TMEM138: variants seen among roughly 807,000 people sequenced by gnomAD.
TMEM138 encodes the protein transmembrane protein 138.
Under a neutral mutation model 18.1 loss-of-function variants are expected in TMEM138, and 9 were observed. That is an observed-to-expected ratio of 0.50 (90% CI 0.30 to 0.87). The LOEUF (loss-of-function observed/expected upper bound fraction) is 0.87, where lower values mean the gene tolerates loss of function less well. TMEM138 is among the 40% of genes least tolerant of loss of function. The probability of loss-of-function intolerance (pLI) is 0.06; values close to 1 mark genes in which losing one functional copy is unlikely to be tolerated. For synonymous variants in TMEM138, 79 were observed against 74.8 expected (o/e 1.06, Z -0.29); for missense variants, 189 against 190.6 (o/e 0.99, Z 0.05).
chr11:61,368,208 TC>T (rs1858221192), intron 4 of TMEM138: 1 of 678,562 alleles, frequency 1.5e-6, no homozygotes, highest in South Asian at 1.5e-5. Context: ...TAGGTTCTGT[TC>T]TTTTTGTTTG....
intron 3 of TMEM138, 125 bp downstream of exon 3, chr11:61,366,341 G>T (rs1474976072): frequency 2.7e-6 from 3 of 1,126,550 alleles, no homozygotes; most frequent in East Asian, 5.6e-5. Context: ...TGCCTCCCAA[G>T]CTCAAGCAAT....
downstream of TMEM138, among the ~76,000 whole-genome samples, chr11:61,375,173 G>A (rs1858419278): frequency 6.6e-6 from 1 of 152,132 alleles, no homozygotes; most frequent in Non-Finnish European, 1.5e-5. Flanking sequence ...AAATGTTGCT[G>A]ATCCTGTGTT....
chr11:61,372,958 T>TA (rs57589732), downstream of TMEM138, among the ~76,000 whole-genome samples: 3 of 151,396 alleles, frequency 2.0e-5, no homozygotes, highest in Admixed American at 6.6e-5. Context: ...AAAAACAGAT[T>TA]AAAAAAAAAG....
rs578190443 is a variant in TMEM138, at chr11:61,364,447, C to G, written c.57C>G (p.Ser19=). 6.2e-7 allele frequency: 1 copy of G among 1,614,216 alleles called. No individual in the cohort carries two copies. Among genetic ancestry groups the G allele is most frequent in the Admixed American group, 1.7e-5 (1 of 60,020 alleles). ...LVLSLQFLLL[S]YDLFVNSFSE... ...TCTCTCTGCAGTTCCTGCTGCTGTC[C>G]TATGACCTCTTTGTCAATTCCTTCT... Residue 19 remains serine (S), a synonymous_variant, in exon 2 of 5, where the codon TCC becomes TCG. Coordinates refer to ENST00000278826, the MANE Select transcript of TMEM138 (RefSeq NM_016464.5).
rs1590624489 is a variant in TMEM138, at chr11:61,364,630, C to T, written c.128+112C>T. The T allele has an allele frequency of 4.2e-5, 61 of 1,448,514 alleles. 1 individual carries two copies. In the South Asian group the frequency reaches 5.8e-4, roughly 14 times the overall value. The allele number at this position is 1,448,514 out of a possible 1,614,324, so 89.7% of individuals were successfully genotyped here. On this transcript the variant is annotated intron_variant, in intron 2 of 4. Transcript: ENST00000278826. ...TAGGCTGGGTACGGTGGCTCACACCCATAATCCCAGGACTTTGGGAAGCCA... is the reference window on the plus strand; with the variant it reads ...TAGGCTGGGTACGGTGGCTCACACCTATAATCCCAGGACTTTGGGAAGCCA...
chr11:61,371,530 C>A (rs1038775273), downstream of TMEM138, among the ~76,000 whole-genome samples: 10 of 152,214 alleles, frequency 6.6e-5, no homozygotes, highest in African/African-American at 2.4e-4. Flanking sequence ...GGTCTGCCTG[C>A]AATCTAAGTC....
At chr11:61,372,282 G>A (rs1858360729), downstream of TMEM138, among the ~76,000 whole-genome samples, 1 of 151,792 alleles carries the variant, frequency 6.6e-6, no homozygotes, top group East Asian at 1.9e-4. Context: ...ATCATGAGAG[G>A]GTATAGAAGG....
downstream of TMEM138, among the ~76,000 whole-genome samples, chr11:61,372,801 AAG>A (rs1248228957): frequency 6.6e-6 from 1 of 151,854 alleles, no homozygotes; most frequent in African/African-American, 2.4e-5. Flanking sequence ...AAAAGAAAGA[AAG>A]AGGGATTGTT....
chr11:61,364,646 T>C (rs1858072590), intron 2 of TMEM138, 128 bp downstream of exon 2: 1 of 1,325,046 alleles, frequency 7.5e-7, no homozygotes. Context: ...CCCAGGACTT[T>C]GGGAAGCCAA....
chr11:61,366,624 C>T (rs970660539), intron 3 of TMEM138: 9 of 158,008 alleles, frequency 5.7e-5, no homozygotes, highest in Admixed American at 1.9e-4. Flanking sequence ...CGCACCACCA[C>T]GCCCAGCTAA....
chr11:61,367,178 TTAAC>T (rs1466429362), intron 3 of TMEM138: 2 of 152,196 alleles, frequency 1.3e-5, no homozygotes, highest in Non-Finnish European at 2.9e-5. Flanking sequence ...TCCCATCACT[TTAAC>T]TAGGAGAACC....
chr11:61,364,310 T>TAC lies in TMEM138; in HGVS notation c.-81_-80insAC. The TAC allele has an allele frequency of 6.5e-7, 1 of 1,544,622 alleles. No individual in the cohort carries two copies. The highest frequency in any genetic ancestry group is 8.8e-7 in the Non-Finnish European group (1 of 1,139,022). On this transcript the variant is annotated 5_prime_UTR_variant, in exon 2 of 5. Transcript: ENST00000278826. ...TTCAAAGGAACTAGAAGCCTCTCCC[T>TAC]CAGTGGTAGGGAGACAGCCAGGAGC...
chr11:61,366,092 T>G lies in TMEM138; in HGVS notation c.176T>G (p.Met59Arg), dbSNP rs748465653. ...TTCAACATCATCATCATTTTCCTCA[T>G]GTTCTTCAACACCTTCGTCTTCCAG... ...VLFNIIIIFL[M>R]FFNTFVFQAG... Residue 59 changes from methionine (M) to arginine (R), a missense_variant, in exon 3 of 5, where the codon ATG becomes AGG. Transcript: ENST00000278826. 1 of 1,614,152 alleles carries G rather than the reference T, an allele frequency of 6.2e-7. No individual in the cohort carries two copies. The highest frequency in any genetic ancestry group is 1.3e-5 in the African/African-American group (1 of 75,054).
At chr11:61,366,335 T>A in intron 3 of TMEM138, 119 bp downstream of exon 3, 1 of 1,188,684 alleles carries the variant, frequency 8.4e-7, no homozygotes, top group Non-Finnish European at 1.1e-6. Context: ...TGCTTCTGCC[T>A]CCCAAGCTCA....
chr11:61,369,929 C>G (rs1420976926), downstream of TMEM138, among the ~76,000 whole-genome samples: 3 of 152,232 alleles, frequency 2.0e-5, no homozygotes, highest in African/African-American at 4.8e-5. Context: ...GCAAGTCACG[C>G]AACTAAGCCC....
downstream of TMEM138, chr11:61,369,630 C>T (rs2135168070): frequency 6.6e-6 from 1 of 152,384 alleles, no homozygotes; most frequent in African/African-American, 2.4e-5. Flanking sequence ...TCTTGGGGTT[C>T]AGCTGATCAA....
intron 1 of TMEM138, chr11:61,363,009 G>C (rs1001606679): frequency 3.3e-5 from 5 of 152,256 alleles, no homozygotes; most frequent in Admixed American, 3.3e-4. Flanking sequence ...AGGCCGAGGC[G>C]GGAGGATCAC....
rs1858147311 is a variant in TMEM138, at chr11:61,366,233, G to A, written c.300+17G>A. 5 of 1,591,236 alleles carry A rather than the reference G, an allele frequency of 3.1e-6. No individual in the cohort carries two copies. The African/African-American group carries it at 4.1e-5, about 13-fold the overall frequency. ...TGGGTCATGGTAAGAGTGGCAGTCT[G>A]AATTCTTTTTTTAATTTTTATTTTA... On this transcript the variant is annotated intron_variant, in intron 3 of 4. Transcript: ENST00000278826.
rs1295506909 is a variant in TMEM138 at position 61,364,248 on chromosome 11, A to C, written c.-139-4A>C. ...TAACCTTGCTTATCTTTTTGCTCCAACAGGTGCTTGCCTTAGAGCAAGGGA... is the reference window on the plus strand; with the variant it reads ...TAACCTTGCTTATCTTTTTGCTCCACCAGGTGCTTGCCTTAGAGCAAGGGA... On this transcript the variant is annotated splice_polypyrimidine_tract_variant and splice_region_variant and intron_variant, in intron 1 of 4. Coordinates refer to ENST00000278826, the MANE Select transcript of TMEM138 (RefSeq NM_016464.5). The C allele has an allele frequency of 6.3e-6, 6 of 959,996 alleles. No individual in the cohort carries two copies. In the East Asian group the frequency reaches 1.5e-4, roughly 24 times the overall value. 59.5% of individuals were successfully genotyped at this position (959,996 alleles called of 1,614,324 possible).
Sources: allele counts gnomAD v4.1 joint callset (sites outside exome capture counted in the v4.1 genomes callset), GRCh38; gene constraint gnomAD v4.1.1; transcripts MANE v1.5; gene names NCBI Gene and HGNC (gene_info 2026-07-23, HGNC 2026-07-21).